ARID2: variants seen among roughly 807,000 people sequenced by gnomAD.
ARID2 encodes the protein AT-rich interaction domain 2, also known as AT-rich interactive domain-containing protein 2.
ARID2 carries 32 observed loss-of-function variants against 184.6 expected under a neutral mutation model. The observed-to-expected ratio is 0.17, with a 90% CI of 0.13 to 0.23. The LOEUF (loss-of-function observed/expected upper bound fraction) is 0.23. ARID2 is among the 10% of genes least tolerant of loss of function. The pLI is 1.00. For synonymous variants in ARID2, 836 were observed against 772.6 expected (o/e 1.08, Z -1.36); for missense variants, 1,696 against 2,197.6 (o/e 0.77, Z 4.56).
intron 3 of ARID2, among the ~76,000 whole-genome samples, chr12:45,749,098 C>G (rs1006943980): frequency 7.2e-5 from 11 of 152,236 alleles, no homozygotes; most frequent in Non-Finnish European, 1.5e-4. Context: ...ACTTTGCTCA[C>G]TTCCATCCAG....
rs145155989 is a variant in ARID2 at position 45,744,622 on chromosome 12, C to T, written c.284+13308C>T. 1.8e-3 allele frequency among the ~76,000 whole-genome samples: 271 copies of T among 152,088 alleles called. 1 individual carries two copies. Among genetic ancestry groups the T allele is most frequent in the African/African-American group, 6.2e-3 (259 of 41,476 alleles). ...TTTGTTCTTTGCTGGCCATTGATTA[C>T]ATTACTTGATATTTAATAATAAGGC... On this transcript the variant is annotated intron_variant, in intron 3 of 20. Coordinates refer to ENST00000334344, the MANE Select transcript of ARID2 (RefSeq NM_152641.4).
In ARID2 at chr12:45,848,914, C is replaced by T. The variant is rs2138154460; in HGVS notation, c.1659C>T (p.Cys553=). Residue 553 remains cysteine, a synonymous_variant, in exon 13 of 21, where the codon TGC becomes TGT. Transcript: ENST00000334344. The part of the protein sequence containing the change: ...AEMYSEYLST[C]SKLARGGILT... ...TGTATTCTGAATACCTCTCGACTTG[C>T]AGTAAATTAGCTCGTGGTGGAATCC... The T allele has an allele frequency of 3.1e-6, 5 of 1,612,458 alleles. No individual in the cohort carries two copies. The highest frequency in any genetic ancestry group is 1.1e-5 in the South Asian group (1 of 90,960).
At chr12:45,857,063 G>C (rs754688894) in intron 15 of ARID2, among the ~76,000 whole-genome samples, 2 of 151,594 alleles carry the variant, frequency 1.3e-5, no homozygotes, top group African/African-American at 4.8e-5. Flanking sequence ...ATAAGACTTG[G>C]TTTTTTTTCA....
chr12:45,840,721 G>A (rs1943328634), intron 11 of ARID2: 1 of 152,074 alleles, frequency 6.6e-6, no homozygotes, highest in East Asian at 1.9e-4. Context: ...CTAGCTATCT[G>A]TTCTCACGTT....
intron 15 of ARID2, among the ~76,000 whole-genome samples, chr12:45,855,802 G>A (rs921940255): frequency 2.0e-5 from 3 of 151,898 alleles, no homozygotes; most frequent in Non-Finnish European, 4.4e-5. Context: ...CTGCAGCCTC[G>A]ACCTCCTTGG....
intron 3 of ARID2, among the ~76,000 whole-genome samples, chr12:45,778,743 A>G (rs1942034062): frequency 6.6e-6 from 1 of 152,018 alleles, no homozygotes; most frequent in Admixed American, 6.5e-5. Context: ...ATCATATAAT[A>G]TTTTATGTAT....
chr12:45,813,904 A>G (rs1942758015), intron 4 of ARID2, among the ~76,000 whole-genome samples: 1 of 152,166 alleles, frequency 6.6e-6, no homozygotes, highest in Non-Finnish European at 1.5e-5. Flanking sequence ...TTTTGACATT[A>G]CATACCTAAT....
intron 16 of ARID2, among the ~76,000 whole-genome samples, chr12:45,889,253 G>T (rs111631925): frequency 1.1e-4 from 17 of 152,252 alleles, no homozygotes; most frequent in African/African-American, 3.4e-4. Flanking sequence ...AATTATATCA[G>T]TAACAGTCCC....
intron 6 of ARID2, among the ~76,000 whole-genome samples, chr12:45,830,094 T>A (rs1424467180): frequency 3.3e-5 from 5 of 149,892 alleles, no homozygotes; most frequent in Admixed American, 3.3e-4. Flanking sequence ...ACAAAATATA[T>A]AAATATATAA....
chr12:45,745,487 T>C (rs1222775969), intron 3 of ARID2, among the ~76,000 whole-genome samples: 1 of 152,218 alleles, frequency 6.6e-6, no homozygotes, highest in Non-Finnish European at 1.5e-5. Context: ...CATTCTGTTT[T>C]AAAAGGAATA....
intron 6 of ARID2, among the ~76,000 whole-genome samples, chr12:45,824,996 G>A (rs1942967513): frequency 6.6e-6 from 1 of 151,836 alleles, no homozygotes; most frequent in Non-Finnish European, 1.5e-5. Flanking sequence ...TAGGCACAGA[G>A]TGAGAAATAT....
intron 3 of ARID2, among the ~76,000 whole-genome samples, chr12:45,746,340 G>A (rs1439032137): frequency 6.6e-6 from 1 of 152,026 alleles, no homozygotes; most frequent in East Asian, 1.9e-4. Context: ...CCAACTCCTG[G>A]CCTCAAGTGA....
intron 3 of ARID2, among the ~76,000 whole-genome samples, chr12:45,751,280 C>A (rs929159259): frequency 2.0e-5 from 3 of 152,160 alleles, no homozygotes; most frequent in Non-Finnish European, 4.4e-5. Context: ...TAAGAATGAA[C>A]AAACAGCAAG....
rs1323417753 is a variant in ARID2 at position 45,733,058 on chromosome 12, G to A, written c.284+1744G>A. ...CAAATTGGGCTTTTTGCTCTTATTA[G>A]AAGCTGCTTTTTGAACTATGTCCTT... is the stretch of plus-strand genomic sequence containing the variant. On this transcript the variant is annotated intron_variant, in intron 3 of 20. Transcript: ENST00000334344. Among the ~76,000 whole-genome samples the A allele has an allele frequency of 2.0e-5, 3 of 152,152 alleles. No individual in the cohort carries two copies. The East Asian group carries it at 5.8e-4, about 29-fold the overall frequency.
chr12:45,826,129 ATTTG>A, intron 6 of ARID2, among the ~76,000 whole-genome samples: 1 of 152,178 alleles, frequency 6.6e-6, no homozygotes, highest in African/African-American at 2.4e-5. Flanking sequence ...TGTCATGTAG[ATTTG>A]TTTTTCTATC....
intron 3 of ARID2, among the ~76,000 whole-genome samples, chr12:45,783,902 G>A (rs1274943829): frequency 6.6e-6 from 1 of 152,128 alleles, no homozygotes; most frequent in Admixed American, 6.5e-5. Flanking sequence ...AAATAGGAAA[G>A]CAAAGAAACA....
In ARID2 at chr12:45,730,104, C is replaced by T. The variant is rs2137959858; in HGVS notation, c.153C>T (p.Tyr51=). Reference sequence around the variant, plus strand: ...AGGAGCTGGATCTTCACGGTCTCTACACCAGAGTCACTACTTTAGGCGGAT... The same window carrying T: ...AGGAGCTGGATCTTCACGGTCTCTATACCAGAGTCACTACTTTAGGCGGAT... The part of the protein sequence containing the change: ...GGKELDLHGL[Y]TRVTTLGGFA... The change falls in exon 2 of 21, where the codon TAC becomes TAT. Residue 51 remains tyrosine (Y), a synonymous_variant. Transcript: ENST00000334344. 6.2e-7 allele frequency: 1 copy of T among 1,613,694 alleles called. No individual in the cohort carries two copies. The highest frequency in any genetic ancestry group is 8.5e-7 in the Non-Finnish European group (1 of 1,179,784).
rs998569361 is a variant in ARID2, at chr12:45,906,714, G to A, written c.*1636G>A. On this transcript the variant is annotated 3_prime_UTR_variant, in exon 21 of 21. Transcript: ENST00000334344. ...GGTCCTTTACATGACAAATTTGCATGAAATAAGCAGATTAACCAAGTATTT... is the reference window on the plus strand; with the variant it reads ...GGTCCTTTACATGACAAATTTGCATAAAATAAGCAGATTAACCAAGTATTT... 4.3e-6 allele frequency: 1 copy of A among 232,106 alleles called. No individual in the cohort carries two copies. Among genetic ancestry groups the A allele is most frequent in the African/African-American group, 2.2e-5 (1 of 45,404 alleles). The allele number at this position is 232,106 out of a possible 1,614,324, so 14.4% of individuals were successfully genotyped here. A position where few individuals can be genotyped will look rare whatever the true frequency, so the allele number is the denominator to read the frequency against.
In ARID2 at chr12:45,850,237, G is replaced by A. The variant is rs2138160132; in HGVS notation, c.2114G>A (p.Ser705Asn). ...QQNAPVTVIQ[S>N]KAPIPCEVVK... The stretch of plus-strand genomic sequence containing the variant: ...AATGCTCCAGTGACTGTCATTCAAA[G>A]TAAAGCTCCAATTCCTTGTGAAGTT... The change falls in exon 15 of 21, where the codon AGT (serine) becomes AAT (asparagine). Residue 705 changes from serine to asparagine, a missense_variant. Ser to Asn is a conservative substitution (Grantham distance 46, BLOSUM62 1). This residue lies in a region of ARID2 where 713 missense variants were observed against 824.4 expected (regional missense o/e 0.86). Transcript: ENST00000334344. 1 of 1,614,124 alleles carries A rather than the reference G, an allele frequency of 6.2e-7. No homozygotes were observed. The highest frequency in any genetic ancestry group is 8.5e-7 in the Non-Finnish European group (1 of 1,179,996).
Sources: allele counts gnomAD v4.1 joint callset (sites outside exome capture counted in the v4.1 genomes callset), GRCh38; gene constraint gnomAD v4.1.1; regional missense constraint gnomAD v4.1.1; transcripts MANE v1.5; gene names NCBI Gene and HGNC (gene_info 2026-07-23, HGNC 2026-07-21).